The following MYO15A variants were observed in gnomAD, a reference collection of about 807,000 sequenced individuals.
The protein encoded by MYO15A is myosin XVA.
MYO15A carries 308 observed loss-of-function variants against 394.6 expected under a neutral mutation model. The ratio of observed to expected loss-of-function variants is 0.78; its 90% CI spans 0.71 to 0.86. MYO15A has a LOEUF of 0.86. Among genes scored for constraint, MYO15A ranks in the 40% least tolerant of loss-of-function variants. The pLI is 0.00. For missense variants in MYO15A, 4,606 were observed against 4,799.1 expected (o/e 0.96, Z 1.19); for synonymous variants, 1,957 against 2,003.8 (o/e 0.98, Z 0.62).
rs1160719857 is a variant in MYO15A at position 18,132,994 on chromosome 17, A to G, written c.4321-231A>G. Among the ~76,000 whole-genome samples the G allele has an allele frequency of 6.6e-6, 1 of 152,180 alleles. No homozygotes were observed. The highest frequency in any genetic ancestry group is 2.4e-5 in the African/African-American group (1 of 41,420). Reference sequence around the variant, plus strand: ...AACACTTGCTACTCTTTTCATTACTATCACTGGGCAGCTGCAAAGGTCAAC... The same window carrying G: ...AACACTTGCTACTCTTTTCATTACTGTCACTGGGCAGCTGCAAAGGTCAAC... On this transcript the variant is annotated intron_variant, in intron 11 of 65. Transcript: ENST00000647165. This position sits in a 1 kb window ranked among gnomAD's most constrained non-coding sequence, Gnocchi z 4.6.
intron 64 of MYO15A, chr17:18,173,569 C>A: frequency 1.5e-6 from 1 of 648,310 alleles, no homozygotes; most frequent in Non-Finnish European, 2.8e-6. Context: ...ATCATCTCAT[C>A]AGTATTTGTT....
At position 18,142,063 on chromosome 17, in the gene MYO15A, T is replaced by C. The variant is rs1265093276; in HGVS notation, c.5650-16T>C. ...CCTGGCTCCTATCTGCCTCAGTGCC[T>C]TCCTCCTGTCCTTAGCTGTTCCTTA... is the stretch of plus-strand genomic sequence containing the variant. On this transcript the variant is annotated splice_polypyrimidine_tract_variant and intron_variant, in intron 23 of 65. Transcript: ENST00000647165. 22 of 1,611,502 alleles carry C rather than the reference T, an allele frequency of 1.4e-5. No homozygotes were observed. The highest frequency in any genetic ancestry group is 1.7e-5 in the Non-Finnish European group (20 of 1,180,008).
intron 1 of MYO15A, among the ~76,000 whole-genome samples, chr17:18,115,314 GCT>G (rs1356908715): frequency 6.6e-6 from 1 of 152,176 alleles, no homozygotes; most frequent in Non-Finnish European, 1.5e-5. Context: ...AGCAGTAGAG[GCT>G]GCTATCAAGA....
At chr17:18,127,834 G>GATATATATATATATATAT (rs55650584) in intron 7 of MYO15A, among the ~76,000 whole-genome samples, 12 of 131,078 alleles carry the variant, frequency 9.2e-5, no homozygotes, top group African/African-American at 1.1e-4. Context: ...GAAAAAAAAA[G>GATATATATATATATATAT]ATATATATAT....
At chr17:18,177,356 C>T (rs1445214889) in intron 65 of MYO15A, 1 of 152,248 alleles carries the variant, frequency 6.6e-6, no homozygotes, top group Admixed American at 6.5e-5. Context: ...GTTGCACTAA[C>T]AGACCTGGGT....
intron 8 of MYO15A, 29 bp from the exon 9 acceptor site, chr17:18,131,210 C>G: frequency 6.2e-7 from 1 of 1,601,014 alleles, no homozygotes; most frequent in Non-Finnish European, 8.6e-7. Flanking sequence ...CCTAGCCCCT[C>G]AATTCCCACA....
At chr17:18,168,802 T>G (rs2046893351) in intron 62 of MYO15A, among the ~76,000 whole-genome samples, 1 of 151,878 alleles carries the variant, frequency 6.6e-6, no homozygotes, top group South Asian at 2.1e-4. Flanking sequence ...CTTTTTACAC[T>G]CTTGAAAAGA....
Position 18,141,653 on chromosome 17 carries a change from G to A in MYO15A, c.5532G>A (p.Arg1844=). 6.2e-7 allele frequency: 1 copy of A among 1,613,878 alleles called. No individual in the cohort carries two copies. The highest frequency in any genetic ancestry group is 8.5e-7 in the Non-Finnish European group (1 of 1,179,866). ...VRLPFQGFID[R]YCCLVALKHD... ...AGACTAACTTTGGGCCCCCTACCAG[G>A]TACTGCTGTCTAGTGGCCCTCAAGC... The change falls in exon 23 of 66, where the codon AGG becomes AGA. Residue 1844 remains arginine, a splice_region_variant and synonymous_variant. Coordinates refer to ENST00000647165, the MANE Select transcript of MYO15A (RefSeq NM_016239.4).
chr17:18,139,114 C>T (rs2046332825), intron 18 of MYO15A, among the ~76,000 whole-genome samples, 178 bp downstream of exon 18: 2 of 152,208 alleles, frequency 1.3e-5, no homozygotes, highest in Admixed American at 1.3e-4. Flanking sequence ...AGTTCTCTCA[C>T]TTGGAAAATG....
At chr17:18,172,662 T>C in intron 64 of MYO15A, 1 of 359,560 alleles carries the variant, frequency 2.8e-6, no homozygotes, top group Non-Finnish European at 5.4e-6. Context: ...TCAGCAGGTT[T>C]GGTTTCTTTG....
At chr17:18,161,902 G>T (rs1293434315) in intron 57 of MYO15A, among the ~76,000 whole-genome samples, 1 of 149,952 alleles carries the variant, frequency 6.7e-6, no homozygotes, top group Non-Finnish European at 1.5e-5. Flanking sequence ...AGAAAGGGGG[G>T]GCCACTCTTC....
At chr17:18,129,436 C>A (rs1468120452) in intron 7 of MYO15A, among the ~76,000 whole-genome samples, 1 of 152,224 alleles carries the variant, frequency 6.6e-6, no homozygotes, top group Non-Finnish European at 1.5e-5. Context: ...CCAGCCCCAT[C>A]CCTCTCTGGA....
At position 18,135,742 on chromosome 17, in the gene MYO15A, G is replaced by A. The variant is rs1378243021; in HGVS notation, c.4514G>A (p.Ser1505Asn). The A allele has an allele frequency of 3.1e-6, 5 of 1,614,088 alleles. No homozygotes were observed. The highest frequency in any genetic ancestry group is 4.2e-6 in the Non-Finnish European group (5 of 1,180,042). Residue 1505 changes from serine (S) to asparagine (N), a missense_variant, in exon 13 of 66, where the codon AGT (serine) becomes AAT (asparagine). This residue lies in a region of MYO15A where 2,776 missense variants were observed against 3,109.3 expected (regional missense o/e 0.89). Transcript: ENST00000647165. Reference protein sequence around the residue: ...TDAQEVASVVSAREIQAVAEL... With the variant: ...TDAQEVASVVNAREIQAVAEL... ...GCACAGGAGGTGGCCTCAGTGGTGA[G>A]TGCCCGAGAGATCCAGGCCGTGGCA...
Position 18,122,082 on chromosome 17 carries a change from C to T in MYO15A, c.3282C>T (p.Ile1094=). The change falls in exon 2 of 66, where the codon ATC becomes ATT. Residue 1094 remains isoleucine (I), a synonymous_variant. Transcript: ENST00000647165. ...LPQAAAPLAP[I]RAPEPLPKGG... ...AAGCCGCAGCCCCCTTGGCGCCCAT[C>T]AGGGCCCCAGAGCCCCTGCCCAAGG... 6.2e-7 allele frequency: 1 copy of T among 1,612,858 alleles called. No homozygotes were observed. The highest frequency in any genetic ancestry group is 1.1e-5 in the South Asian group (1 of 91,080).
At chr17:18,163,602 TCA>T in intron 59 of MYO15A, 138 bp from the exon 60 acceptor site, 1 of 816,912 alleles carries the variant, frequency 1.2e-6, no homozygotes, top group Non-Finnish European at 2.0e-6. Flanking sequence ...AGGCTGATTC[TCA>T]GAGACCTCAG....
intron 8 of MYO15A, 76 bp downstream of exon 8, chr17:18,130,886 G>T: frequency 1.4e-6 from 2 of 1,443,996 alleles, no homozygotes; most frequent in Non-Finnish European, 1.9e-6. Flanking sequence ...CCAGGAAAAT[G>T]CGTGTGGATG....
In MYO15A at chr17:18,148,022, C is replaced by G; in HGVS notation, c.6510-7C>G. The stretch of plus-strand genomic sequence containing the variant: ...TCTTGATCCTGGCTCCAACTCCTAC[C>G]CATCAGGTTTGTGTCTGATTATGGG... On this transcript the variant is annotated splice_polypyrimidine_tract_variant and splice_region_variant and intron_variant, in intron 30 of 65. Transcript: ENST00000647165. This position sits in a 1 kb window ranked among gnomAD's most constrained non-coding sequence, Gnocchi z 4.8. The G allele has an allele frequency of 6.2e-7, 1 of 1,614,084 alleles. No individual in the cohort carries two copies. The highest frequency in any genetic ancestry group is 8.5e-7 in the Non-Finnish European group (1 of 1,180,022).
At chr17:18,141,841 A>G in intron 23 of MYO15A, 71 bp downstream of exon 23, 2 of 1,512,656 alleles carry the variant, frequency 1.3e-6, no homozygotes, top group Non-Finnish European at 1.8e-6. Flanking sequence ...TGAGTCAGAA[A>G]TGTCCAAGCT....
At chr17:18,141,908 C>A in intron 23 of MYO15A, 138 bp downstream of exon 23, 1 of 1,188,598 alleles carries the variant, frequency 8.4e-7, no homozygotes, top group South Asian at 1.2e-5. Flanking sequence ...ATGCTAACTA[C>A]CTGATTCACC....
Sources: allele counts gnomAD v4.1 joint callset (sites outside exome capture counted in the v4.1 genomes callset), GRCh38; gene constraint gnomAD v4.1.1; regional missense constraint gnomAD v4.1.1; non-coding constraint Gnocchi (gnomAD v3.1); transcripts MANE v1.5; gene names NCBI Gene and HGNC (gene_info 2026-07-23, HGNC 2026-07-21).